The following FXR2 variants were observed in gnomAD, a reference collection of about 807,000 sequenced individuals.
FXR2 encodes FMR1 autosomal homolog 2, also known as RNA-binding protein FXR2.
FXR2 carries 9 observed loss-of-function variants against 87.3 expected under a neutral mutation model. That is an observed-to-expected ratio of 0.10 (90% confidence interval 0.06 to 0.18). The LOEUF (loss-of-function observed/expected upper bound fraction) is 0.18, where lower values mean the gene tolerates loss of function less well. FXR2 is among the 10% of genes least tolerant of loss of function. The pLI is 1.00. For missense variants in FXR2, 661 were observed against 893.6 expected (o/e 0.74, Z 3.32); for synonymous variants, 331 against 328.3 (o/e 1.01, Z -0.09).
At chr17:7,601,115 G>A (rs2071751981) in intron 7 of FXR2, among the ~76,000 whole-genome samples, 1 of 151,552 alleles carries the variant, frequency 6.6e-6, no homozygotes. Flanking sequence ...GGAGGCAGGG[G>A]TTGCAGTGAG....
rs1429848071 is a variant in FXR2, at chr17:7,614,478, G to A, written c.55C>T (p.Arg19Cys). 1.9e-6 allele frequency: 3 copies of A among 1,541,450 alleles called. No homozygotes were observed. The highest frequency in any genetic ancestry group is 1.4e-5 in the African/African-American group (1 of 72,064). ...DVEPGLPVEV[R>C]GSNGAFYKGF... ...TTGTAGAAGGCCCCGTTGGAGCCGC[G>A]CACCTCGACGGGCAGTCCCGGCTCC... The change falls in exon 1 of 17, where the codon CGC becomes TGC. Residue 19 changes from arginine (R) to cysteine (C), a missense_variant. Around this residue, in one of 3 missense-constraint regions of FXR2, gnomAD observed 170 missense variants for 247.2 expected, o/e 0.69. Coordinates refer to ENST00000250113, the MANE Select transcript of FXR2 (RefSeq NM_004860.4).
Position 7,592,482 on chromosome 17 carries a change from C to T in FXR2, c.1825+22G>A. 1 of 1,606,106 alleles carries T rather than the reference C, an allele frequency of 6.2e-7. No homozygotes were observed. Among genetic ancestry groups the T allele is most frequent in the Middle Eastern group, 1.7e-4 (1 of 6,056 alleles). ...ATTCTCTCAGCTCTGAGGAAGGATT[C>T]TGGTGTCCAGAGTTGGCTGACCTGG... On this transcript the variant is annotated intron_variant, in intron 15 of 16. Coordinates refer to ENST00000250113, the MANE Select transcript of FXR2 (RefSeq NM_004860.4). The surrounding 1 kb of genome is among the most constrained non-coding windows in gnomAD (Gnocchi z 4.8).
chr17:7,609,650 C>G (rs1327609572), intron 1 of FXR2, among the ~76,000 whole-genome samples: 1 of 152,018 alleles, frequency 6.6e-6, no homozygotes, highest in African/African-American at 2.4e-5. Flanking sequence ...TCTTCTGAGG[C>G]ACTTTTACTT....
rs537657887 is a variant in FXR2, at chr17:7,594,909, C to T, written c.832-152G>A. On this transcript the variant is annotated intron_variant, in intron 8 of 16. Transcript: ENST00000250113. This position sits in a 1 kb window ranked among gnomAD's most constrained non-coding sequence, Gnocchi z 5.1. ...GACTAGCCTGGGCAATATGGTGAAA[C>T]GCCATCTCTACTAAAAATACAAAAA... is the stretch of plus-strand genomic sequence containing the variant. Among the ~76,000 whole-genome samples, 8 of 152,152 alleles carry T rather than the reference C, an allele frequency of 5.3e-5. No homozygotes were observed. Among genetic ancestry groups the T allele is most frequent in the Non-Finnish European group, 7.4e-5 (5 of 68,014 alleles).
rs1223655178 is a variant in FXR2, at chr17:7,592,683, C to T, written c.1729+11G>A. On this transcript the variant is annotated intron_variant, in intron 14 of 16. Transcript: ENST00000250113. The surrounding 1 kb of genome is among the most constrained non-coding windows in gnomAD (Gnocchi z 4.8). ...CATCTCTAACTTTCCAGACCCCAGGCACACCCTCACCCAGGCCATTCTCTG... is the reference window on the plus strand; with the variant it reads ...CATCTCTAACTTTCCAGACCCCAGGTACACCCTCACCCAGGCCATTCTCTG... 1.2e-6 allele frequency: 2 copies of T among 1,613,572 alleles called. No homozygotes were observed. The highest frequency in any genetic ancestry group is 1.7e-6 in the Non-Finnish European group (2 of 1,179,628).
chr17:7,594,067 G>A lies in FXR2; in HGVS notation c.1021-63C>T, dbSNP rs1410632033. The A allele has an allele frequency of 1.7e-5, 19 of 1,148,206 alleles. No individual in the cohort carries two copies. The highest frequency in any genetic ancestry group is 7.4e-5 in the South Asian group (6 of 81,436). 71.1% of individuals were successfully genotyped at this position (1,148,206 alleles called of 1,614,324 possible). On this transcript the variant is annotated intron_variant, in intron 10 of 16. Coordinates refer to ENST00000250113, the MANE Select transcript of FXR2 (RefSeq NM_004860.4). The surrounding 1 kb of genome is among the most constrained non-coding windows in gnomAD (Gnocchi z 5.1). ...AAAATGAAATGGAAGGATTAACGCC[G>A]CCCAGTCTCCTAGGGGAGCCTGCCC...
chr17:7,592,453 T>A lies in FXR2; in HGVS notation c.1825+51A>T. 1 of 1,571,992 alleles carries A rather than the reference T, an allele frequency of 6.4e-7. No homozygotes were observed. Among genetic ancestry groups the A allele is most frequent in the Non-Finnish European group, 8.8e-7 (1 of 1,141,770 alleles). On this transcript the variant is annotated intron_variant, in intron 15 of 16. Transcript: ENST00000250113. The surrounding 1 kb of genome is among the most constrained non-coding windows in gnomAD (Gnocchi z 4.8). ...CCCCTGATTTTCACAGGGGTGAGCA[T>A]CCCATTCTCTCAGCTCTGAGGAAGG...
chr17:7,612,853 G>A (rs920778831), intron 1 of FXR2, among the ~76,000 whole-genome samples: 8 of 151,788 alleles, frequency 5.3e-5, no homozygotes, highest in Admixed American at 3.9e-4. Flanking sequence ...AAAAATAGCC[G>A]GGCATGGTGG....
chr17:7,614,034 C>G (rs2071905793), intron 1 of FXR2: 1 of 462,188 alleles, frequency 2.2e-6, no homozygotes, highest in African/African-American at 2.0e-5. Flanking sequence ...GACAGAGGGC[C>G]TTCCCAAAGG....
At position 7,606,243 on chromosome 17, in the gene FXR2, C is replaced by T. The variant is rs2071801987; in HGVS notation, c.82-94G>A. The T allele has an allele frequency of 3.7e-6, 3 of 815,458 alleles. No individual in the cohort carries two copies. The East Asian group carries it at 8.0e-5, about 22-fold the overall frequency. 50.5% of individuals were successfully genotyped at this position (815,458 alleles called of 1,614,324 possible). ...GAATAAGACACCACAAAACCTTAAA[C>T]TTGAGTTTTAGATAGGGACACAAGT... is the stretch of plus-strand genomic sequence containing the variant. On this transcript the variant is annotated intron_variant, in intron 1 of 16. Transcript: ENST00000250113.
rs35153607 is a variant in FXR2, at chr17:7,603,528, CAAA to C, written c.449+226_449+228del. ...GGCAACAAGAGCAAAACTCTGTCTC[CAAA>C]AAAAAAAAAAAAAGAAAGAAAGGAA... On this transcript the variant is annotated intron_variant, in intron 5 of 16. Transcript: ENST00000250113. Among the ~76,000 whole-genome samples the C allele has an allele frequency of 4.6e-3, 492 of 106,872 alleles. 13 individuals are homozygous for C. Among genetic ancestry groups the C allele is most frequent in the Admixed American group, 0.043 (447 of 10,464 alleles). 70.1% of individuals were successfully genotyped at this position (106,872 alleles called of 152,430 possible).
rs761324408 is a variant in FXR2 at position 7,593,426 on chromosome 17, C to T, written c.1307G>A (p.Arg436Gln). ...GGSYGGRGRG[R>Q]RTGGPAYGPS... ...ACCATAGGCAGGACCGCCTGTCCTC[C>T]GGCCACGGCCACGGCCCCCATAGCT... The change falls in exon 12 of 17, where the codon CGG (arginine) becomes CAG (glutamine). Residue 436 changes from arginine to glutamine, a missense_variant. This residue lies in a region of FXR2 where 409 missense variants were observed against 432.0 expected (regional missense o/e 0.95). Transcript: ENST00000250113. The surrounding 1 kb of genome is among the most constrained non-coding windows in gnomAD (Gnocchi z 6.1). 9 of 1,578,248 alleles carry T rather than the reference C, an allele frequency of 5.7e-6. No individual in the cohort carries two copies. Among genetic ancestry groups the T allele is most frequent in the East Asian group, 4.7e-5 (2 of 43,010 alleles).
chr17:7,608,056 G>A (rs2071818143), intron 1 of FXR2, among the ~76,000 whole-genome samples: 1 of 152,024 alleles, frequency 6.6e-6, no homozygotes, highest in Non-Finnish European at 1.5e-5. Context: ...CTCCCAAAGT[G>A]CTGGGATTAC....
chr17:7,596,046 A>C, intron 7 of FXR2, 52 bp from the exon 8 acceptor site: 2 of 1,390,392 alleles, frequency 1.4e-6, no homozygotes, highest in Middle Eastern at 1.8e-4. Context: ...TCACAGTCCC[A>C]GGCACACGAC....
intron 1 of FXR2, among the ~76,000 whole-genome samples, chr17:7,607,537 C>A (rs1211239421): frequency 6.6e-6 from 1 of 151,330 alleles, no homozygotes; most frequent in Non-Finnish European, 1.5e-5. Context: ...AAGCAATTCT[C>A]CTGCCTCAGC....
At chr17:7,601,560 G>T in intron 6 of FXR2, 35 bp from the exon 7 acceptor site, 1 of 1,280,540 alleles carries the variant, frequency 7.8e-7, no homozygotes, top group Non-Finnish European at 1.1e-6. Flanking sequence ...CATTAAAACT[G>T]GCTTGGAATA....
chr17:7,611,014 A>G (rs2071859439), intron 1 of FXR2, among the ~76,000 whole-genome samples: 1 of 152,214 alleles, frequency 6.6e-6, no homozygotes, highest in Non-Finnish European at 1.5e-5. Flanking sequence ...TCTGAGTAAA[A>G]ACCAAGTACT....
intron 6 of FXR2, among the ~76,000 whole-genome samples, 151 bp from the exon 7 acceptor site, chr17:7,601,676 C>T (rs536862193): frequency 1.6e-4 from 24 of 152,322 alleles, no homozygotes; most frequent in Admixed American, 7.8e-4. Flanking sequence ...TGCCTGCAAT[C>T]CCAGGACTTT....
chr17:7,605,573 G>A (rs1413294876), intron 3 of FXR2, 72 bp downstream of exon 3: 7 of 811,672 alleles, frequency 8.6e-6, no homozygotes, highest in African/African-American at 3.4e-5. Context: ...GAAGGAACAT[G>A]AACCAACCAG....
Sources: gnomAD v4.1 joint callset for allele counts (sites outside exome capture counted in the v4.1 genomes callset) on GRCh38, gnomAD v4.1.1 for gene constraint, gnomAD v4.1.1 regional missense constraint, Gnocchi (gnomAD v3.1) non-coding constraint, MANE v1.5 for transcripts, NCBI Gene and HGNC (gene_info 2026-07-23, HGNC 2026-07-21) for gene names.